The following ME3 variants were observed in gnomAD, a reference collection of about 807,000 sequenced individuals.
The protein encoded by ME3 is malic enzyme 3.
In ME3, 48 loss-of-function variants were observed where a neutral mutation model predicts 68.9. The ratio of observed to expected loss-of-function variants is 0.70; its 90% CI spans 0.55 to 0.89. ME3 has a LOEUF of 0.89. Ranked by LOEUF, ME3 falls within the 40% of genes least tolerant of loss-of-function variation. ME3 has a pLI of 0.00. For missense variants in ME3, 675 were observed against 797.4 expected, an observed-to-expected ratio of 0.85 and a Z score of 1.85; for synonymous variants, 320 against 318.8, an observed-to-expected ratio of 1.00 and a Z score of -0.04.
chr11:86,520,281 G>A (rs562439406), intron 4 of ME3, among the ~76,000 whole-genome samples: 2 of 152,258 alleles, frequency 1.3e-5, no homozygotes, highest in South Asian at 4.1e-4. Flanking sequence ...GAATGGATGG[G>A]GGTTCCTCAA....
At chr11:86,571,834 G>A (rs1346881505) in intron 2 of ME3, among the ~76,000 whole-genome samples, 3 of 152,200 alleles carry the variant, frequency 2.0e-5, no homozygotes, top group Admixed American at 1.3e-4. Context: ...CAAGGGAAGG[G>A]CCCTAAGGGC....
At chr11:86,565,032 G>A (rs1957411792) in intron 2 of ME3, among the ~76,000 whole-genome samples, 1 of 152,082 alleles carries the variant, frequency 6.6e-6, no homozygotes, top group Non-Finnish European at 1.5e-5. Flanking sequence ...AGAGCCAAAG[G>A]ACTTGAATGG....
intron 2 of ME3, among the ~76,000 whole-genome samples, chr11:86,638,000 A>ACACG (rs1425010066): frequency 6.6e-6 from 1 of 151,758 alleles, no homozygotes; most frequent in Non-Finnish European, 1.5e-5. Flanking sequence ...ACACACACAC[A>ACACG]CACACATAAG....
intron 5 of ME3, among the ~76,000 whole-genome samples, chr11:86,504,407 T>TTTTTTTTTTTTTTTTTTTA (rs1491166256): frequency 8.0e-6 from 1 of 125,524 alleles, no homozygotes; most frequent in African/African-American, 3.2e-5. Context: ...TTTTTTTTTT[T>TTTTTTTTTTTTTTTTTTTA]GAGACAGAGT....
At chr11:86,441,702 C>A (rs1411768179) in intron 14 of ME3, among the ~76,000 whole-genome samples, 1 of 152,126 alleles carries the variant, frequency 6.6e-6, no homozygotes, top group Admixed American at 6.5e-5. Flanking sequence ...GCCTGTGGGT[C>A]CTCAGAGCTG....
chr11:86,651,897 A>T (rs1249918536), intron 2 of ME3, among the ~76,000 whole-genome samples: 1 of 152,234 alleles, frequency 6.6e-6, no homozygotes, highest in East Asian at 1.9e-4. Flanking sequence ...AGAAGTCCTT[A>T]AAGGACCTCA....
At chr11:86,507,015 CAG>C (rs1403657950) in intron 5 of ME3, among the ~76,000 whole-genome samples, 1 of 152,186 alleles carries the variant, frequency 6.6e-6, no homozygotes, top group Middle Eastern at 3.2e-3. Context: ...TACCCAGACA[CAG>C]ATGTAAAAAA....
chr11:86,525,332 G>A (rs2139217872), intron 4 of ME3, among the ~76,000 whole-genome samples: 1 of 152,106 alleles, frequency 6.6e-6, no homozygotes, highest in East Asian at 1.9e-4. Context: ...AGAAACTTTT[G>A]ATGTTGACAG....
intron 4 of ME3, among the ~76,000 whole-genome samples, chr11:86,519,788 AG>A (rs1276570186): frequency 1.3e-5 from 2 of 152,246 alleles, no homozygotes; most frequent in African/African-American, 4.8e-5. Context: ...AGCAGATCTA[AG>A]AAATCCTCGA....
intron 2 of ME3, among the ~76,000 whole-genome samples, chr11:86,635,069 C>G (rs1408772515): frequency 6.6e-6 from 1 of 152,134 alleles, no homozygotes; most frequent in Non-Finnish European, 1.5e-5. Context: ...CTTTGGGAGG[C>G]CAAGGCAGAT....
intron 2 of ME3, among the ~76,000 whole-genome samples, chr11:86,605,166 T>C (rs1961443165): frequency 6.6e-6 from 1 of 152,238 alleles, no homozygotes; most frequent in African/African-American, 2.4e-5. Context: ...CCATGTTGTA[T>C]CATGTATCAG....
chr11:86,450,374 C>T, exon 9 of ME3: 2 of 1,614,106 alleles, frequency 1.2e-6, no homozygotes, highest in Non-Finnish European at 1.7e-6. Context: ...AGCCAAGATC[C>T]CTGCCACAGC....
Position 86,565,544 on chromosome 11 carries a change from A to G in ME3, c.184-5721T>C, listed in dbSNP as rs139606472. 2.4e-3 allele frequency among the ~76,000 whole-genome samples: 368 copies of G among 152,352 alleles called. 5 individuals are homozygous for G. Among genetic ancestry groups the G allele is most frequent in the East Asian group, 1.5e-3 (8 of 5,190 alleles). On this transcript the variant is annotated intron_variant, in intron 2 of 14. Transcript: ENST00000543262. ...ACATGCAATGAAAATTTATTCAGCT[A>G]TAAAAAGGAATGAAGTTCTGCTCTG...
intron 14 of ME3, among the ~76,000 whole-genome samples, chr11:86,442,081 T>G (rs1217679837): frequency 1.3e-5 from 2 of 152,210 alleles, no homozygotes; most frequent in Non-Finnish European, 2.9e-5. Context: ...ATAGAAAATG[T>G]AAAACATGCA....
At chr11:86,578,788 T>C (rs1429672819) in intron 2 of ME3, among the ~76,000 whole-genome samples, 2 of 152,154 alleles carry the variant, frequency 1.3e-5, no homozygotes, top group African/African-American at 2.4e-5. Flanking sequence ...TTGTAACAAC[T>C]GTTTACACTT....
chr11:86,630,529 G>A (rs867015903), intron 2 of ME3, among the ~76,000 whole-genome samples: 1 of 152,204 alleles, frequency 6.6e-6, no homozygotes, highest in Non-Finnish European at 1.5e-5. Flanking sequence ...TGCTTTACAC[G>A]CAAGCTTCCA....
intron 5 of ME3, among the ~76,000 whole-genome samples, chr11:86,506,920 C>T (rs1953121477): frequency 6.6e-6 from 1 of 152,186 alleles, no homozygotes; most frequent in African/African-American, 2.4e-5. Flanking sequence ...TTCTCTGGGC[C>T]TGGGACCAAA....
chr11:86,498,042 A>G, exon 6 of ME3: 1 of 1,613,792 alleles, frequency 6.2e-7, no homozygotes, highest in Non-Finnish European at 8.5e-7. Context: ...GTACAGGGCC[A>G]GCTTGCCCAC....
chr11:86,630,091 G>A (rs1303373011), intron 2 of ME3, among the ~76,000 whole-genome samples: 5 of 152,126 alleles, frequency 3.3e-5, no homozygotes, highest in African/African-American at 1.2e-4. Flanking sequence ...ATTGAATAGA[G>A]ATCATCATCC....
Sources: gnomAD v4.1 joint callset for allele counts (sites outside exome capture counted in the v4.1 genomes callset) on GRCh38, gnomAD v4.1.1 for gene constraint, MANE v1.5 for transcripts, NCBI Gene and HGNC (gene_info 2026-07-23, HGNC 2026-07-21) for gene names.